Variants in S100A7A observed in about 807,000 individuals in gnomAD.
The protein encoded by S100A7A is protein S100-A7A.
S100A7A carries 5 observed loss-of-function variants against 4.0 expected under a neutral mutation model. That is an observed-to-expected ratio of 1.26 (90% CI 0.66 to 2.66). The LOEUF is 2.66. S100A7A is among the 30% of genes most tolerant of loss of function. S100A7A has a pLI of 0.01. For synonymous variants in S100A7A, 52 were observed against 46.4 expected, an observed-to-expected ratio of 1.12 and a Z score of -0.49; for missense variants, 159 against 125.1, an observed-to-expected ratio of 1.27 and a Z score of -1.29.
intron 1 of S100A7A, among the ~76,000 whole-genome samples, chr1:153,417,567 T>C (rs1662757860): frequency 6.6e-6 from 1 of 152,186 alleles, no homozygotes; most frequent in Non-Finnish European, 1.5e-5. Flanking sequence ...ATGCAGGGCT[T>C]GCACTTGAGT....
At position 153,419,338 on chromosome 1, in the gene S100A7A, C is replaced by T. The variant is rs2101627449; in HGVS notation, c.*29C>T. On this transcript the variant is annotated 3_prime_UTR_variant, in exon 3 of 3. Transcript: ENST00000368729. Reference sequence around the variant, plus strand: ...AGCCCCACCAAGGGGCCTCCAGAGACCCCAGGAACAATAAGTGTCTCCTCC... The same window carrying T: ...AGCCCCACCAAGGGGCCTCCAGAGATCCCAGGAACAATAAGTGTCTCCTCC... 2.5e-6 allele frequency: 4 copies of T among 1,599,070 alleles called. No homozygotes were observed. The highest frequency in any genetic ancestry group is 3.4e-6 in the Non-Finnish European group (4 of 1,173,552).
rs532589191 is a variant in S100A7A at position 153,421,197 on chromosome 1, T to C, written c.*1888T>C. The C allele has an allele frequency of 6.6e-6, 1 of 152,346 alleles. No individual in the cohort carries two copies. Among genetic ancestry groups the C allele is most frequent in the East Asian group, 1.9e-4 (1 of 5,192 alleles). The allele number at this position is 152,346 out of a possible 1,614,324, so 9.4% of individuals were successfully genotyped here. On this transcript the variant is annotated 3_prime_UTR_variant, in exon 3 of 3. Transcript: ENST00000368729. ...GAAATGTCTTTTAATACTTCTTCTG[T>C]CTCATTAACATTACATTTCAAGGCT...
At chr1:153,418,329 G>A (rs544480278) in intron 2 of S100A7A, 106 bp downstream of exon 2, 207 of 1,480,024 alleles carry the variant, frequency 1.4e-4, no homozygotes, top group Non-Finnish European at 2.9e-5. Flanking sequence ...TGATTAAAAA[G>A]TTTCCCATTT....
intron 1 of S100A7A, among the ~76,000 whole-genome samples, chr1:153,416,890 A>T (rs1414482293): frequency 6.6e-6 from 1 of 152,156 alleles, no homozygotes; most frequent in Non-Finnish European, 1.5e-5. Flanking sequence ...TTGGGATCCC[A>T]GTTGCTGAAT....
chr1:153,417,550 C>T (rs892631335), intron 1 of S100A7A, among the ~76,000 whole-genome samples: 22 of 152,226 alleles, frequency 1.4e-4, no homozygotes, highest in Non-Finnish European at 2.6e-4. Flanking sequence ...CCTGCACGCA[C>T]TGTGTCATGC....
chr1:153,417,499 C>T (rs959794590), intron 1 of S100A7A, among the ~76,000 whole-genome samples: 1 of 152,196 alleles, frequency 6.6e-6, no homozygotes, highest in African/African-American at 2.4e-5. Context: ...GGCTGTGTTT[C>T]CTGCTCACAC....
intron 1 of S100A7A, 21 bp from the exon 2 acceptor site, chr1:153,418,045 G>T (rs979539479): frequency 3.7e-6 from 6 of 1,612,176 alleles, no homozygotes; most frequent in Non-Finnish European, 5.1e-6. Context: ...GGTAAGAAAT[G>T]ATTGTCTTTA....
At chr1:153,418,246 A>G (rs367869712) in intron 2 of S100A7A, 23 bp downstream of exon 2, 2 of 1,613,718 alleles carry the variant, frequency 1.2e-6, no homozygotes, top group Non-Finnish European at 1.7e-6. Flanking sequence ...CTAGCTTCTC[A>G]ATGTTGGTTG....
chr1:153,418,926 C>G (rs1250694631), intron 2 of S100A7A, among the ~76,000 whole-genome samples: 1 of 152,108 alleles, frequency 6.6e-6, no homozygotes, highest in Non-Finnish European at 1.5e-5. Context: ...ACCTGCCTCC[C>G]ATCCTGAGGT....
In S100A7A at chr1:153,419,257, A is replaced by G. The variant is rs771686697; in HGVS notation, c.254A>G (p.Asp85Gly). 1 of 1,614,194 alleles carries G rather than the reference A, an allele frequency of 6.2e-7. No homozygotes were observed. The highest frequency in any genetic ancestry group is 8.5e-7 in the Non-Finnish European group (1 of 1,180,038). Residue 85 changes from aspartate (D) to glycine (G), a missense_variant, in exon 3 of 3, where the codon GAC becomes GGC. Transcript: ENST00000368729. ...FLSLLGDIAA[D>G]YHKQSHGAAP... ...TCCTTGCTGGGAGACATAGCCGCAGACTACCACAAGCAGAGCCATGGAGCG... is the reference window on the plus strand; with the variant it reads ...TCCTTGCTGGGAGACATAGCCGCAGGCTACCACAAGCAGAGCCATGGAGCG...
rs202015456 is a variant in S100A7A, at chr1:153,418,233, G to A, written c.141+10G>A. On this transcript the variant is annotated intron_variant, in intron 2 of 2. Transcript: ENST00000368729. ...TTTCCTCAGTGCCTGTGTGAGTTGG[G>A]GTCTAGCTTCTCAATGTTGGTTGGA... The A allele has an allele frequency of 3.7e-6, 6 of 1,613,634 alleles. No homozygotes were observed. Among genetic ancestry groups the A allele is most frequent in the Non-Finnish European group, 4.2e-6 (5 of 1,179,818 alleles).
chr1:153,419,366 C>T lies in S100A7A; in HGVS notation c.*57C>T, dbSNP rs1662835770. 9.9e-6 allele frequency: 15 copies of T among 1,516,074 alleles called. No individual in the cohort carries two copies. Among genetic ancestry groups the T allele is most frequent in the South Asian group, 9.6e-5 (8 of 83,370 alleles). The allele number at this position is 1,516,074 out of a possible 1,614,324, so 93.9% of individuals were successfully genotyped here. The stretch of plus-strand genomic sequence containing the variant: ...CAGGAACAATAAGTGTCTCCTCCCA[C>T]CAGACACTTGCCTTATTTCTTCTTC... On this transcript the variant is annotated 3_prime_UTR_variant, in exon 3 of 3. Transcript: ENST00000368729.
intron 2 of S100A7A, 42 bp from the exon 3 acceptor site, chr1:153,419,103 T>G (rs549820387): frequency 1.9e-6 from 3 of 1,603,214 alleles, no homozygotes; most frequent in South Asian, 2.2e-5. Flanking sequence ...AAAACTTGTT[T>G]GTGATTGAAT....
rs1178636438 is a variant in S100A7A at position 153,419,408 on chromosome 1, T to C, written c.*99T>C. On this transcript the variant is annotated 3_prime_UTR_variant, in exon 3 of 3. Coordinates refer to ENST00000368729, the MANE Select transcript of S100A7A (RefSeq NM_176823.4). ...TTCTTCTTCTCTTTGGTGACCTACA[T>C]TGTCAAAACTACCAATTCCAGGTTA... 2.7e-5 allele frequency: 36 copies of C among 1,313,516 alleles called. No homozygotes were observed. The highest frequency in any genetic ancestry group is 3.8e-5 in the Non-Finnish European group (36 of 956,022). The allele number at this position is 1,313,516 out of a possible 1,614,324, so 81.4% of individuals were successfully genotyped here.
At position 153,418,116 on chromosome 1, in the gene S100A7A, G is replaced by A. The variant is rs377765304; in HGVS notation, c.34G>A (p.Gly12Ser). The change falls in exon 2 of 3, where the codon GGC becomes AGC. Residue 12 changes from glycine (G) to serine (S), a missense_variant. Gly to Ser is a moderately conservative substitution (Grantham distance 56). Coordinates refer to ENST00000368729, the MANE Select transcript of S100A7A (RefSeq NM_176823.4). ...SNTQAERSII[G>S]MIDMFHKYTG... is the part of the protein sequence containing the mutation. The stretch of plus-strand genomic sequence containing the variant: ...CACTCAAGCTGAGAGGTCCATAATA[G>A]GCATGATCGACATGTTTCACAAATA... 1 of 1,614,126 alleles carries A rather than the reference G, an allele frequency of 6.2e-7. No homozygotes were observed. The highest frequency in any genetic ancestry group is 8.5e-7 in the Non-Finnish European group (1 of 1,180,016).
At position 153,419,302 on chromosome 1, in the gene S100A7A, G is replaced by C; in HGVS notation, c.299G>C (p.Ser100Thr). 5 of 1,614,054 alleles carry C rather than the reference G, an allele frequency of 3.1e-6. No homozygotes were observed. The highest frequency in any genetic ancestry group is 4.2e-6 in the Non-Finnish European group (5 of 1,179,954). ...SHGAAPCSGGSQ is the reference protein window; with the variant it reads ...SHGAAPCSGGTQ ...GGAGCGGCGCCCTGTTCTGGGGGAA[G>C]CCAGTGATCCAGCCCCACCAAGGGG... The change falls in exon 3 of 3, where the codon AGC becomes ACC. Residue 100 changes from serine (S) to threonine (T), a missense_variant. Transcript: ENST00000368729.
At position 153,422,629 on chromosome 1, in the gene S100A7A, G is replaced by A. The variant is rs1662926942; in HGVS notation, c.*3320G>A. ...CAGGCGCAGTCTCACTCTGTCGCCC[G>A]GGCTGGAGTGCTGTGAGCTGTCCGT... On this transcript the variant is annotated 3_prime_UTR_variant, in exon 3 of 3. Transcript: ENST00000368729. The A allele has an allele frequency of 7.1e-6, 4 of 567,276 alleles. No homozygotes were observed. Among genetic ancestry groups the A allele is most frequent in the Non-Finnish European group, 6.7e-6 (3 of 448,528 alleles). 35.1% of individuals were successfully genotyped at this position (567,276 alleles called of 1,614,324 possible).
Position 153,417,470 on chromosome 1 carries a change from C to T in S100A7A, c.-17-596C>T, listed in dbSNP as rs116615121. Among the ~76,000 whole-genome samples, 317 of 152,286 alleles carry T rather than the reference C, an allele frequency of 2.1e-3. 4 individuals carry two copies. The highest frequency in any genetic ancestry group is 3.1e-3 in the Non-Finnish European group (213 of 68,020). Reference sequence around the variant, plus strand: ...CATTCCCAAGGGAATGTAGGAAGGGCCCCCTGTCCTCGGGAGAGGGCTGTG... The same window carrying T: ...CATTCCCAAGGGAATGTAGGAAGGGTCCCCTGTCCTCGGGAGAGGGCTGTG... On this transcript the variant is annotated intron_variant, in intron 1 of 2. Coordinates refer to ENST00000368729, the MANE Select transcript of S100A7A (RefSeq NM_176823.4).
In S100A7A at chr1:153,420,221, C is replaced by T. The variant is rs1385146450; in HGVS notation, c.*912C>T. On this transcript the variant is annotated 3_prime_UTR_variant, in exon 3 of 3. Transcript: ENST00000368729. ...GGAGTAGTTTGTTATTGGTAGTCTACTCCAGGCCAGGCAGTGTGTTATGGG... is the reference window on the plus strand; with the variant it reads ...GGAGTAGTTTGTTATTGGTAGTCTATTCCAGGCCAGGCAGTGTGTTATGGG... 4 of 152,192 alleles carry T rather than the reference C, an allele frequency of 2.6e-5. No individual in the cohort carries two copies. Among genetic ancestry groups the T allele is most frequent in the Non-Finnish European group, 5.9e-5 (4 of 68,074 alleles). 9.4% of individuals were successfully genotyped at this position (152,192 alleles called of 1,614,324 possible). A position where few individuals can be genotyped will look rare whatever the true frequency, so the allele number is the denominator to read the frequency against.
Sources: allele counts gnomAD v4.1 joint callset (sites outside exome capture counted in the v4.1 genomes callset), GRCh38; gene constraint gnomAD v4.1.1; transcripts MANE v1.5; gene names NCBI Gene and HGNC (gene_info 2026-07-23, HGNC 2026-07-21).